Variants in LCP1 observed in about 807,000 individuals in gnomAD.
LCP1 encodes the protein plastin-2.
LCP1 carries 23 observed loss-of-function variants against 72.0 expected under a neutral mutation model. The observed-to-expected ratio is 0.32, with a 90% confidence interval of 0.23 to 0.45. LCP1 has a LOEUF of 0.45. Ranked by LOEUF, LCP1 falls within the 20% of genes least tolerant of loss-of-function variation. LCP1 has a pLI of 1.00. For missense variants in LCP1, 571 were observed against 748.3 expected, an observed-to-expected ratio of 0.76 and a Z score of 2.76; for synonymous variants, 245 against 275.4, an observed-to-expected ratio of 0.89 and a Z score of 1.09.
intron 1 of LCP1, among the ~76,000 whole-genome samples, chr13:46,163,632 T>TAAAAAAA (rs1566444167): frequency 2.7e-5 from 3 of 111,308 alleles, no homozygotes; most frequent in African/African-American, 9.7e-5. Context: ...GAATGATCAA[T>TAAAAAAA]TAAAAAAAAA....
chr13:46,156,612 C>G, intron 4 of LCP1, 42 bp from the exon 5 acceptor site: 1 of 1,612,228 alleles, frequency 6.2e-7, no homozygotes, highest in Non-Finnish European at 8.5e-7. Flanking sequence ...CAAAGTGAAA[C>G]TCTATTATAA....
chr13:46,132,101 G>GTGGC (rs35798020), intron 14 of LCP1, among the ~76,000 whole-genome samples: 64,885 of 151,144 alleles, frequency 0.43, 14,158 homozygotes, highest in South Asian at 0.49. Context: ...AGTACATTAT[G>GTGGC]TGGCCTCTTT....
intron 1 of LCP1, among the ~76,000 whole-genome samples, chr13:46,171,893 G>C (rs1438562862): frequency 6.6e-6 from 1 of 152,246 alleles, no homozygotes; most frequent in Non-Finnish European, 1.5e-5. Flanking sequence ...AACCAAATGT[G>C]GATGGAAAAT....
chr13:46,173,730 A>G (rs1341520196), intron 1 of LCP1, among the ~76,000 whole-genome samples: 4 of 152,206 alleles, frequency 2.6e-5, no homozygotes, highest in African/African-American at 9.7e-5. Flanking sequence ...GTATTGCAGA[A>G]CTGGTACATG....
At chr13:46,158,351 G>A (rs2045816333) in intron 4 of LCP1, among the ~76,000 whole-genome samples, 171 bp downstream of exon 4, 1 of 152,140 alleles carries the variant, frequency 6.6e-6, no homozygotes, top group African/African-American at 2.4e-5. Flanking sequence ...CCCAGAGCTA[G>A]GACTGCTCCT....
In LCP1 at chr13:46,152,913, T is replaced by A; in HGVS notation, c.606A>T (p.Ser202=). Residue 202 remains serine, a synonymous_variant, in exon 7 of 16, where the codon TCA becomes TCT. Coordinates refer to ENST00000323076, the MANE Select transcript of LCP1 (RefSeq NM_002298.5). ...ENLNLALNSA[S]AIGCHVVNIG... Reference sequence around the variant, plus strand: ...TGTTGACCACATGGCACCCGATGGCTGAGGCAGAGTTCAGAGCCAAGTTCA... The same window carrying A: ...TGTTGACCACATGGCACCCGATGGCAGAGGCAGAGTTCAGAGCCAAGTTCA... 6.2e-7 allele frequency: 1 copy of A among 1,613,308 alleles called. No individual in the cohort carries two copies. The highest frequency in any genetic ancestry group is 8.5e-7 in the Non-Finnish European group (1 of 1,179,756).
chr13:46,151,462 T>A (rs2045763897), intron 7 of LCP1, among the ~76,000 whole-genome samples: 1 of 152,240 alleles, frequency 6.6e-6, no homozygotes, highest in South Asian at 2.1e-4. Context: ...AATTTTGTAA[T>A]AATAACAATG....
chr13:46,137,192 A>T (rs2045669738), intron 13 of LCP1, among the ~76,000 whole-genome samples: 3 of 146,820 alleles, frequency 2.0e-5, no homozygotes, highest in African/African-American at 7.8e-5. Context: ...TCAGACACCC[A>T]CTTGTAAGTA....
chr13:46,162,829 G>C lies in LCP1; in HGVS notation c.-24-3143C>G, dbSNP rs542444191. 1.2e-4 allele frequency among the ~76,000 whole-genome samples: 18 copies of C among 151,282 alleles called. No homozygotes were observed. In the South Asian group the frequency reaches 2.9e-3, roughly 25 times the overall value. ...TGGGATGTGAGGAGCGCCTCTGCCC[G>C]GCCGCGACCCCGTCTGGGAGGTGAG... is the stretch of plus-strand genomic sequence containing the variant. On this transcript the variant is annotated intron_variant, in intron 1 of 15. Transcript: ENST00000323076.
intron 8 of LCP1, 28 bp from the exon 9 acceptor site, chr13:46,148,475 C>A: frequency 7.4e-7 from 1 of 1,354,698 alleles, no homozygotes; most frequent in Non-Finnish European, 1.0e-6. Context: ...ATTCCAATTT[C>A]AAAATAGCAC....
intron 13 of LCP1, among the ~76,000 whole-genome samples, chr13:46,138,910 G>T (rs908893000): frequency 1.3e-5 from 2 of 152,116 alleles, no homozygotes; most frequent in African/African-American, 4.8e-5. Context: ...GCCTCCCAAA[G>T]TACTGGGATT....
intron 13 of LCP1, among the ~76,000 whole-genome samples, chr13:46,134,606 A>G (rs775857768): frequency 6.6e-6 from 1 of 152,168 alleles, no homozygotes; most frequent in African/African-American, 2.4e-5. Context: ...CAATAACTCA[A>G]TGTTGGAAAA....
chr13:46,161,801 A>G (rs1000255814), intron 1 of LCP1, among the ~76,000 whole-genome samples: 4 of 152,228 alleles, frequency 2.6e-5, no homozygotes, highest in Non-Finnish European at 5.9e-5. Flanking sequence ...TTTTGCTACA[A>G]GTAGGCTGAA....
intron 1 of LCP1, among the ~76,000 whole-genome samples, chr13:46,159,909 T>C (rs1288735639): frequency 6.6e-6 from 1 of 152,216 alleles, no homozygotes; most frequent in Non-Finnish European, 1.5e-5. Context: ...TCTCGGTCTA[T>C]ACAGACTGCT....
intron 1 of LCP1, among the ~76,000 whole-genome samples, chr13:46,170,098 C>T (rs548030905): frequency 6.6e-6 from 1 of 152,322 alleles, no homozygotes; most frequent in South Asian, 2.1e-4. Context: ...AATCCATAAC[C>T]TAATGGTATA....
At position 46,127,317 on chromosome 13, in the gene LCP1, C is replaced by T. The variant is rs966967600; in HGVS notation, c.*274G>A. 1.1e-5 allele frequency: 4 copies of T among 350,976 alleles called. No individual in the cohort carries two copies. Among genetic ancestry groups the T allele is most frequent in the African/African-American group, 6.2e-5 (3 of 48,042 alleles). The allele number at this position is 350,976 out of a possible 1,614,324, so 21.7% of individuals were successfully genotyped here. A position where few individuals can be genotyped will look rare whatever the true frequency, so the allele number is the denominator to read the frequency against. ...GCTAATGGCAAAAGCGAGAAGGGTA[C>T]CTGGAAAATAACTTCTTTCTTTTCC... On this transcript the variant is annotated 3_prime_UTR_variant, in exon 16 of 16. Coordinates refer to ENST00000323076, the MANE Select transcript of LCP1 (RefSeq NM_002298.5).
intron 5 of LCP1, among the ~76,000 whole-genome samples, chr13:46,156,003 T>A (rs1420967994): frequency 1.3e-5 from 2 of 152,232 alleles, no homozygotes; most frequent in Non-Finnish European, 2.9e-5. Context: ...TATGTACTTC[T>A]GAGCTTACAT....
In LCP1 at chr13:46,126,861, T is replaced by A. The variant is rs562690056; in HGVS notation, c.*730A>T. On this transcript the variant is annotated 3_prime_UTR_variant, in exon 16 of 16. Coordinates refer to ENST00000323076, the MANE Select transcript of LCP1 (RefSeq NM_002298.5). The stretch of plus-strand genomic sequence containing the variant: ...CTGGTCCAAGCCCAAATTCTAGAGT[T>A]AAAAGCAGAGGGGTTCTTAGTGGCT... 1.8e-4 allele frequency: 41 copies of A among 230,704 alleles called. No homozygotes were observed. The highest frequency in any genetic ancestry group is 3.3e-4 in the Non-Finnish European group (38 of 116,560). The allele number at this position is 230,704 out of a possible 1,614,324, so 14.3% of individuals were successfully genotyped here.
At chr13:46,166,044 A>G (rs959782181) in intron 1 of LCP1, among the ~76,000 whole-genome samples, 7 of 152,190 alleles carry the variant, frequency 4.6e-5, no homozygotes, top group African/African-American at 1.7e-4. Context: ...TTTCTGCTTA[A>G]AGGGTGCTGG....
Sources: allele counts gnomAD v4.1 joint callset (sites outside exome capture counted in the v4.1 genomes callset), GRCh38; gene constraint gnomAD v4.1.1; transcripts MANE v1.5; gene names NCBI Gene and HGNC (gene_info 2026-07-23, HGNC 2026-07-21).